STK10: variants seen among roughly 807,000 people sequenced by gnomAD.
STK10 encodes the protein serine/threonine-protein kinase 10.
STK10 carries 78 observed loss-of-function variants against 113.8 expected under a neutral mutation model. The observed-to-expected ratio is 0.69, with a 90% CI of 0.57 to 0.83. The LOEUF is 0.83. Among genes scored for constraint, STK10 ranks in the 40% least tolerant of loss-of-function variants. The probability of loss-of-function intolerance (pLI) is 0.00; values close to 1 mark genes in which losing one functional copy is unlikely to be tolerated. For synonymous variants in STK10, 465 were observed against 494.7 expected (o/e 0.94, Z 0.80); for missense variants, 1,109 against 1,280.1 (o/e 0.87, Z 2.04).
In STK10 at chr5:172,043,425, A is replaced by G. The variant is rs1767426421; in HGVS notation, c.*1457T>C. The G allele has an allele frequency of 6.6e-6, 1 of 152,138 alleles. No homozygotes were observed. The highest frequency in any genetic ancestry group is 1.5e-5 in the Non-Finnish European group (1 of 68,042). The allele number at this position is 152,138 out of a possible 1,614,324, so 9.4% of individuals were successfully genotyped here. On this transcript the variant is annotated 3_prime_UTR_variant, in exon 19 of 19. Coordinates refer to ENST00000176763, the MANE Select transcript of STK10 (RefSeq NM_005990.4). ...CCCAGGAAGTCTCAACCACTCTACC[A>G]CCAGCGAAACACTACCCAGACTCAA... is the stretch of plus-strand genomic sequence containing the variant.
chr5:172,093,862 G>A lies in STK10; in HGVS notation c.1104C>T (p.Pro368=), dbSNP rs1201158131. 6.3e-7 allele frequency: 1 copy of A among 1,577,930 alleles called. No individual in the cohort carries two copies. The highest frequency in any genetic ancestry group is 2.3e-5 in the East Asian group (1 of 44,286). ...LEESPSTPLA[P]SQSQDSVNEP... is the part of the protein sequence containing the mutation. Reference sequence around the variant, plus strand: ...CATTCACACTGTCCTGAGACTGGCTGGGTGCCAGCGGGGTGGAAGGTGACT... The same window carrying A: ...CATTCACACTGTCCTGAGACTGGCTAGGTGCCAGCGGGGTGGAAGGTGACT... Residue 368 remains proline, a synonymous_variant, in exon 9 of 19, where the codon CCC becomes CCT. Coordinates refer to ENST00000176763, the MANE Select transcript of STK10 (RefSeq NM_005990.4). The surrounding 1 kb of genome is among the most constrained non-coding windows in gnomAD (Gnocchi z 4.1).
intron 10 of STK10, among the ~76,000 whole-genome samples, chr5:172,085,411 G>A (rs958187942): frequency 5.3e-5 from 8 of 151,862 alleles, no homozygotes; most frequent in Non-Finnish European, 7.4e-5. Context: ...TATGTAGGCC[G>A]GGCGCGGTGG....
At chr5:172,062,245 G>A (rs2113703856) in intron 13 of STK10, among the ~76,000 whole-genome samples, 1 of 151,764 alleles carries the variant, frequency 6.6e-6, no homozygotes, top group South Asian at 2.1e-4. Context: ...CCCTATTCCT[G>A]TGTTTTTAAT....
At chr5:172,117,764 C>T (rs1769419785) in intron 3 of STK10, 134 bp from the exon 4 acceptor site, 1 of 1,271,086 alleles carries the variant, frequency 7.9e-7, no homozygotes, top group African/African-American at 1.5e-5. Flanking sequence ...CCTGTAATCC[C>T]AGCACTTTGA....
At chr5:172,146,149 T>C (rs1310157272) in intron 2 of STK10, among the ~76,000 whole-genome samples, 2 of 152,192 alleles carry the variant, frequency 1.3e-5, no homozygotes, top group African/African-American at 4.8e-5. Context: ...CTGTAGAATG[T>C]AAATTTCCAG....
Position 172,093,524 on chromosome 5 carries a change from G to C in STK10, c.1442C>G (p.Ser481Cys), listed in dbSNP as rs547638275. 14 of 1,614,218 alleles carry C rather than the reference G, an allele frequency of 8.7e-6. No homozygotes were observed. The East Asian group carries it at 1.1e-4, about 13-fold the overall frequency. ...GCTGCTGCAGTCCGAGTCCCTCTTG[G>C]AAGGCCCTGGAGCTGCCTGGGCAGG... is the stretch of plus-strand genomic sequence containing the variant. ...EPPAQAAPGP[S>C]KRDSDCSSLC... is the part of the protein sequence containing the mutation. The change falls in exon 9 of 19, where the codon TCC becomes TGC. Residue 481 changes from serine to cysteine, a missense_variant. Coordinates refer to ENST00000176763, the MANE Select transcript of STK10 (RefSeq NM_005990.4). This position sits in a 1 kb window ranked among gnomAD's most constrained non-coding sequence, Gnocchi z 4.1.
rs745405906 is a variant in STK10, at chr5:172,187,859, G to A, written c.156+28C>T. On this transcript the variant is annotated intron_variant, in intron 1 of 18. Coordinates refer to ENST00000176763, the MANE Select transcript of STK10 (RefSeq NM_005990.4). This position sits in a 1 kb window ranked among gnomAD's most constrained non-coding sequence, Gnocchi z 4.6. The stretch of plus-strand genomic sequence containing the variant: ...TTCCTTCCGGAGCCCCTCGACGCGC[G>A]TCCGGCCACCCACCTCAGCGCCCTC... 6.2e-7 allele frequency: 1 copy of A among 1,609,310 alleles called. No individual in the cohort carries two copies. The highest frequency in any genetic ancestry group is 2.2e-5 in the East Asian group (1 of 44,624).
chr5:172,179,589 G>A (rs929719183), intron 1 of STK10, among the ~76,000 whole-genome samples: 32 of 149,338 alleles, frequency 2.1e-4, no homozygotes, highest in Non-Finnish European at 4.0e-4. Context: ...AATCAGACCC[G>A]CAGGGCTGTG....
intron 10 of STK10, among the ~76,000 whole-genome samples, chr5:172,083,925 G>GAAAAAAAAAAA (rs58326550): frequency 4.7e-4 from 40 of 85,732 alleles, no homozygotes; most frequent in South Asian, 4.5e-4. Flanking sequence ...ACAAAAAAAA[G>GAAAAAAAAAAA]AAAAAAAAAA....
rs2113672425 is a variant in STK10 at position 172,042,778 on chromosome 5, C to T, written c.*2104G>A. 6.6e-6 allele frequency: 1 copy of T among 152,344 alleles called. No homozygotes were observed. The highest frequency in any genetic ancestry group is 3.4e-3 in the Middle Eastern group (1 of 294). 9.4% of individuals were successfully genotyped at this position (152,344 alleles called of 1,614,324 possible). The stretch of plus-strand genomic sequence containing the variant: ...CATCTGGGTCAAATTCTGCAGCAGG[C>T]AAGCTAAATGCTCACTAACCTGAGA... On this transcript the variant is annotated 3_prime_UTR_variant, in exon 19 of 19. Coordinates refer to ENST00000176763, the MANE Select transcript of STK10 (RefSeq NM_005990.4).
chr5:172,129,473 C>T (rs1291637536), intron 2 of STK10, among the ~76,000 whole-genome samples: 4 of 152,288 alleles, frequency 2.6e-5, no homozygotes, highest in African/African-American at 9.6e-5. Flanking sequence ...GACCTGTCAC[C>T]CTTGAATAAA....
At chr5:172,186,484 C>G (rs1770956545) in intron 1 of STK10, among the ~76,000 whole-genome samples, 1 of 151,704 alleles carries the variant, frequency 6.6e-6, no homozygotes, top group Non-Finnish European at 1.5e-5. Context: ...ATTAGCCGGG[C>G]TGTGGTGTGC....
intron 2 of STK10, among the ~76,000 whole-genome samples, chr5:172,148,781 T>C (rs981244293): frequency 4.6e-5 from 7 of 152,236 alleles, no homozygotes; most frequent in Admixed American, 1.3e-4. Flanking sequence ...GAGAGAAGGC[T>C]TTGGAGCTAG....
chr5:172,118,967 TTC>T (rs1294371186), intron 3 of STK10, among the ~76,000 whole-genome samples: 6 of 152,016 alleles, frequency 3.9e-5, no homozygotes, highest in African/African-American at 1.4e-4. Context: ...TCTCTCTCTC[TTC>T]TTTTTTGCCT....
At chr5:172,157,943 A>G (rs1166320601) in intron 1 of STK10, among the ~76,000 whole-genome samples, 3 of 152,132 alleles carry the variant, frequency 2.0e-5, no homozygotes, top group Non-Finnish European at 4.4e-5. Context: ...TATTTGCAAC[A>G]TTTCCCACGC....
Position 172,090,276 on chromosome 5 carries a change from G to A in STK10, c.1641C>T (p.Ile547=), listed in dbSNP as rs1768669654. The A allele has an allele frequency of 6.2e-7, 1 of 1,613,982 alleles. No homozygotes were observed. Among genetic ancestry groups the A allele is most frequent in the African/African-American group, 1.3e-5 (1 of 74,904 alleles). Residue 547 remains isoleucine (I), a synonymous_variant, in exon 10 of 19, where the codon ATC becomes ATT. Transcript: ENST00000176763. ...CATCCTTCTTCTCATCTTCGCTGAT[G>A]ATCTTGGAGGTGGTGATGCTCACCT... ...GVEVSITTSK[I]ISEDEKKDEE...
At chr5:172,068,892 A>C (rs77493501) in intron 12 of STK10, among the ~76,000 whole-genome samples, 27,488 of 151,748 alleles carry the variant, frequency 0.18, 2,805 homozygotes, top group East Asian at 0.37. Context: ...CTCAAAAAAA[A>C]AAAACAAAAC....
intron 1 of STK10, 127 bp from the exon 2 acceptor site, chr5:172,156,915 TACATTGTTCTTAACAATAGCCAC>T: frequency 4.7e-6 from 5 of 1,072,696 alleles, no homozygotes; most frequent in Non-Finnish European, 5.3e-6. Flanking sequence ...AACCGGAACG[TACATTGTTCTTAACAATAGCCAC>T]ACATCATGTC....
At position 172,055,654 on chromosome 5, in the gene STK10, C is replaced by T; in HGVS notation, c.2460G>A (p.Met820Ile). ...CGTTGATGTGGAGGCTCTTCTTGTA[C>T]ATGGCCATGCGCGTCTTGCCCTCAC... ...QRSEGKTRMA[M>I]YKKSLHINGG... The change falls in exon 16 of 19, where the codon ATG becomes ATA. Residue 820 changes from methionine to isoleucine, a missense_variant. By Grantham distance (10) the Met-to-Ile change is conservative (BLOSUM62 1). Around this residue, in one of 5 missense-constraint regions of STK10, gnomAD observed 885 missense variants for 991.1 expected, o/e 0.89. Coordinates refer to ENST00000176763, the MANE Select transcript of STK10 (RefSeq NM_005990.4). 6.3e-7 allele frequency: 1 copy of T among 1,580,150 alleles called. No homozygotes were observed. The highest frequency in any genetic ancestry group is 8.6e-7 in the Non-Finnish European group (1 of 1,161,174).
Sources: allele counts gnomAD v4.1 joint callset (sites outside exome capture counted in the v4.1 genomes callset), GRCh38; gene constraint gnomAD v4.1.1; regional missense constraint gnomAD v4.1.1; non-coding constraint Gnocchi (gnomAD v3.1); transcripts MANE v1.5; gene names NCBI Gene and HGNC (gene_info 2026-07-23, HGNC 2026-07-21).